Variants in CYB5R2 observed in about 807,000 individuals in gnomAD.
The protein encoded by CYB5R2 is cytochrome b5 reductase 2.
CYB5R2 carries 35 observed loss-of-function variants against 29.8 expected under a neutral mutation model. The observed-to-expected ratio is 1.17, with a 90% CI of 0.90 to 1.56. The LOEUF (loss-of-function observed/expected upper bound fraction) is 1.56. Ranked by LOEUF, CYB5R2 falls within the 40% of genes most tolerant of loss-of-function variation. The pLI, the probability that CYB5R2 is intolerant of heterozygous loss-of-function variation, is 0.00. For synonymous variants in CYB5R2, 169 were observed against 130.6 expected, an observed-to-expected ratio of 1.29 and a Z score of -2.01; for missense variants, 419 against 346.7, an observed-to-expected ratio of 1.21 and a Z score of -1.66.
intron 7 of CYB5R2, 168 bp downstream of exon 7, chr11:7,667,560 C>T (rs1379067985): frequency 3.0e-6 from 2 of 656,978 alleles, no homozygotes; most frequent in East Asian, 5.2e-5. Flanking sequence ...AAAAAGCAGG[C>T]CTGGACTCAG....
chr11:7,672,272 G>A (rs1369165855), intron 3 of CYB5R2, 179 bp downstream of exon 3: 4 of 507,788 alleles, frequency 7.9e-6, no homozygotes, highest in Admixed American at 3.4e-5. Flanking sequence ...GAATAATGAA[G>A]AAAAGAAATT....
chr11:7,666,460 G>A lies in CYB5R2; in HGVS notation c.649C>T (p.Pro217Ser), dbSNP rs1384517916. 1.2e-6 allele frequency: 2 copies of A among 1,609,910 alleles called. No homozygotes were observed. The highest frequency in any genetic ancestry group is 1.7e-5 in the Admixed American group (1 of 60,012). Residue 217 changes from proline (P) to serine (S), a missense_variant, in exon 8 of 9, where the codon CCT becomes TCT. Pro to Ser is a moderately conservative substitution (Grantham distance 74). Coordinates refer to ENST00000299498, the MANE Select transcript of CYB5R2 (RefSeq NM_016229.5). The stretch of plus-strand genomic sequence containing the variant: ...GCAATGGATGTCGTACCAATGGGAG[G>A]CCTGTCCAGGGTGTACCACAGGTTG... ...QFNLWYTLDR[P>S]PIGWKYSSGF... is the part of the protein sequence containing the mutation.
chr11:7,673,782 C>A (rs1855911574), upstream of CYB5R2: 1 of 986,462 alleles, frequency 1.0e-6, no homozygotes, highest in East Asian at 1.1e-4. Context: ...CCGCCGCGGG[C>A]CCGCAGACTC....
At chr11:7,672,259 T>C (rs1428371102) in intron 3 of CYB5R2, 192 bp downstream of exon 3, 4 of 577,420 alleles carry the variant, frequency 6.9e-6, no homozygotes, top group Non-Finnish European at 1.2e-5. Context: ...GTCAGCCCAA[T>C]TGGAATAATG....
intron 3 of CYB5R2, chr11:7,669,964 T>C: frequency 2.0e-6 from 1 of 506,670 alleles, no homozygotes; most frequent in Non-Finnish European, 3.5e-6. Context: ...TTTGGTCTCT[T>C]CATCTGTAAA....
chr11:7,667,837 C>T, intron 6 of CYB5R2, 24 bp from the exon 7 acceptor site: 1 of 1,601,644 alleles, frequency 6.2e-7, no homozygotes, highest in Non-Finnish European at 8.6e-7. Context: ...AGCGAGCAGC[C>T]AGCTTTCTCC....
chr11:7,669,986 A>ATGTC, intron 3 of CYB5R2: 1 of 455,746 alleles, frequency 2.2e-6, no homozygotes, highest in East Asian at 4.5e-5. Context: ...TGGGGGTGAT[A>ATGTC]TGTCTGCCCA....
At chr11:7,665,994 G>A in intron 8 of CYB5R2, 1 of 1,297,350 alleles carries the variant, frequency 7.7e-7, no homozygotes, top group Non-Finnish European at 1.1e-6. Flanking sequence ...CCTGTGGGGT[G>A]CTCTGTGCAC....
chr11:7,666,843 G>T, intron 7 of CYB5R2: 2 of 277,850 alleles, frequency 7.2e-6, no homozygotes, highest in Non-Finnish European at 1.4e-5. Context: ...TGGCCAGGAT[G>T]GCTTCACTCG....
chr11:7,667,957 C>T, intron 6 of CYB5R2, 144 bp from the exon 7 acceptor site: 1 of 678,296 alleles, frequency 1.5e-6, no homozygotes, highest in Non-Finnish European at 2.6e-6. Context: ...GGAAACAGCC[C>T]TTCATTTTGG....
At chr11:7,666,682 C>T (rs72851388) in intron 7 of CYB5R2, 132 bp from the exon 8 acceptor site, 208,046 of 590,442 alleles carry the variant, frequency 0.35, 40,928 homozygotes, top group Non-Finnish European at 0.41. Context: ...CCAACTCCCA[C>T]GGCAAACAAG....
intron 2 of CYB5R2, 54 bp downstream of exon 2, chr11:7,672,694 C>A (rs1855827856): frequency 3.1e-6 from 5 of 1,602,078 alleles, no homozygotes; most frequent in Non-Finnish European, 4.3e-6. Flanking sequence ...GGATGCCCTG[C>A]CATCCCAGCC....
Position 7,665,685 on chromosome 11 carries a change from C to G in CYB5R2, c.659-139G>C. ...AGGCTTAGAAGTCTGTACTACTGCT[C>G]CCTGCAAAAAGCCTCAGAACTAGTA... On this transcript the variant is annotated intron_variant, in intron 8 of 8. Transcript: ENST00000299498. 7 of 1,139,246 alleles carry G rather than the reference C, an allele frequency of 6.1e-6. No homozygotes were observed. In the South Asian group the frequency reaches 1.1e-4, roughly 18 times the overall value. The allele number at this position is 1,139,246 out of a possible 1,614,324, so 70.6% of individuals were successfully genotyped here.
chr11:7,666,586 G>C (rs751439526), intron 7 of CYB5R2, 36 bp from the exon 8 acceptor site: 1 of 1,500,894 alleles, frequency 6.7e-7, no homozygotes, highest in Non-Finnish European at 9.3e-7. Flanking sequence ...GCCCCTCCAG[G>C]GCCATCCTCT....
intron 3 of CYB5R2, 187 bp from the exon 4 acceptor site, chr11:7,669,918 G>A (rs1347092660): frequency 1.7e-6 from 1 of 591,834 alleles, no homozygotes; most frequent in Non-Finnish European, 3.0e-6. Context: ...CTGCCTCCCT[G>A]TGCTACCCTA....
At chr11:7,668,689 T>C (rs989285373) in intron 5 of CYB5R2, 128 bp from the exon 6 acceptor site, 6 of 810,998 alleles carry the variant, frequency 7.4e-6, no homozygotes, top group Non-Finnish European at 2.1e-6. Context: ...CATTTTAAGC[T>C]GGAGAAGCAG....
intron 3 of CYB5R2, chr11:7,671,035 G>C (rs1276415687): frequency 6.5e-6 from 1 of 152,858 alleles, no homozygotes; most frequent in East Asian, 1.9e-4. Context: ...GGCAGAGTAG[G>C]CACTAGAGGG....
At chr11:7,665,753 C>T in intron 8 of CYB5R2, 1 of 1,357,926 alleles carries the variant, frequency 7.4e-7, no homozygotes, top group East Asian at 2.5e-5. Context: ...AGGCTCACTG[C>T]AGGGACCCTG....
chr11:7,672,085 G>A (rs753354449), intron 3 of CYB5R2: 1 of 219,814 alleles, frequency 4.5e-6, no homozygotes, highest in Non-Finnish European at 9.0e-6. Context: ...AACAACCCAA[G>A]TGAGGTAGAC....
Sources: allele counts gnomAD v4.1 joint callset, GRCh38; gene constraint gnomAD v4.1.1; transcripts MANE v1.5; gene names NCBI Gene and HGNC (gene_info 2026-07-23, HGNC 2026-07-21).